The following HAUS7 variants were observed in gnomAD, a reference collection of about 807,000 sequenced individuals.
HAUS7 encodes the protein HAUS augmin-like complex subunit 7.
HAUS7 carries 3 observed loss-of-function variants against 28.4 expected under a neutral mutation model. The ratio of observed to expected loss-of-function variants is 0.11; its 90% CI spans 0.05 to 0.27. HAUS7 has a LOEUF of 0.27. HAUS7 is among the 10% of genes least tolerant of loss of function. The pLI, the probability that HAUS7 is intolerant of heterozygous loss-of-function variation, is 1.00. For missense variants in HAUS7, 284 were observed against 297.3 expected (o/e 0.96, Z 0.33); for synonymous variants, 165 against 132.1 (o/e 1.25, Z -1.71).
At chrX:153,452,207 T>G (rs1196600037) in intron 9 of HAUS7, among the ~76,000 whole-genome samples, 2 of 112,026 alleles carry the variant, frequency 1.8e-5, no homozygotes, top group Non-Finnish European at 3.8e-5. Flanking sequence ...ATGAAGACAT[T>G]CCCACATAAA....
chrX:153,464,182 G>A (rs1478970597), intron 3 of HAUS7, among the ~76,000 whole-genome samples: 2 of 112,766 alleles, frequency 1.8e-5, no homozygotes, highest in Non-Finnish European at 3.7e-5. Flanking sequence ...CTTGACAGGA[G>A]AGGAAACAGG....
chrX:153,465,117 T>C (rs1287388555), intron 2 of HAUS7, 62 bp from the exon 3 acceptor site: 1 of 764,886 alleles, frequency 1.3e-6, no homozygotes, highest in East Asian at 3.2e-5. Context: ...CTGGGCCCTC[T>C]ATACGCGCTG....
At chrX:153,470,710 G>T, upstream of HAUS7, 1 of 851,404 alleles carries the variant, frequency 1.2e-6, no homozygotes, top group Non-Finnish European at 1.6e-6. Flanking sequence ...GCCTGCGCGG[G>T]CCCCGGGCTC....
rs4898381 is a variant in HAUS7 at position 153,486,579 on chromosome X, C to A, written c.-589+8795G>T. On this transcript the variant is annotated intron_variant, in intron 1 of 5. Coordinates refer to the HAUS7 transcript ENST00000370210. ...GTCTCTTCTTGAATGATGCCTACCC[C>A]GTCTTTCCGGGGTCTTCTCTCCCCT... 2.1e-3 allele frequency: 1,933 copies of A among 926,854 alleles called. 49 individuals carry two copies. The Admixed American group carries it at 0.044, about 21-fold the overall frequency. 76.4% of individuals were successfully genotyped at this position (926,854 alleles called of 1,213,427 possible). A position where few individuals can be genotyped will look rare whatever the true frequency, so the allele number is the denominator to read the frequency against.
chrX:153,486,719 G>A (rs988373065), intron 1 of HAUS7: 10 of 982,773 alleles, frequency 1.0e-5, no homozygotes, highest in Admixed American at 3.0e-5. Context: ...CTCATTGACC[G>A]GCGCCGCATC....
chrX:153,476,784 G>A (rs1195265860), intron 1 of HAUS7, among the ~76,000 whole-genome samples: 1 of 110,630 alleles, frequency 9.0e-6, no homozygotes, highest in African/African-American at 3.3e-5. Context: ...CTGGTTCCTG[G>A]AAAATCCCAA....
chrX:153,462,186 G>T, intron 4 of HAUS7: 1 of 1,022,824 alleles, frequency 9.8e-7, no homozygotes, highest in Non-Finnish European at 1.3e-6. Flanking sequence ...GAAACGAGAA[G>T]GTGGGTGCTG....
chrX:153,494,741 GGGGGGGGAGGTGGTGGGGGCGA>G (rs1357107154), intron 1 of HAUS7, among the ~76,000 whole-genome samples: 1 of 66,111 alleles, frequency 1.5e-5, no homozygotes, highest in Non-Finnish European at 4.2e-5. Context: ...GGCGGGGGAG[GGGGGGGGAGGTGGTGGGGGCGA>G]GGGGGCGGGG....
chrX:153,477,635 G>A (rs1602951179), intron 1 of HAUS7, among the ~76,000 whole-genome samples: 1 of 112,310 alleles, frequency 8.9e-6, no homozygotes, highest in Admixed American at 9.3e-5. Context: ...TCCCAGCTTC[G>A]GCAGCTGCCC....
chrX:153,458,233 A>C (rs1222994403), intron 4 of HAUS7, among the ~76,000 whole-genome samples: 1 of 113,171 alleles, frequency 8.8e-6, no homozygotes, highest in Non-Finnish European at 1.9e-5. Flanking sequence ...CAGGTGCGAG[A>C]AGCTCAGGGC....
chrX:153,481,983 G>A (rs2089603247), intron 1 of HAUS7: 1 of 607,205 alleles, frequency 1.6e-6, no homozygotes, highest in Non-Finnish European at 2.0e-6. Flanking sequence ...GGGGCTGGCA[G>A]GTCCCAGGTG....
At chrX:153,480,262 C>T (rs1413771745) in intron 1 of HAUS7, among the ~76,000 whole-genome samples, 2 of 110,723 alleles carry the variant, frequency 1.8e-5, no homozygotes, top group African/African-American at 3.3e-5. Context: ...GGCCCAACCA[C>T]CGGTCCAACC....
chrX:153,474,899 C>T (rs1202434812), upstream of HAUS7, among the ~76,000 whole-genome samples: 2 of 111,658 alleles, frequency 1.8e-5, no homozygotes, highest in Non-Finnish European at 3.8e-5. Flanking sequence ...GGGAGACGCT[C>T]GGGTCTAGAC....
At chrX:153,481,428 C>A in intron 1 of HAUS7, 1 of 754,875 alleles carries the variant, frequency 1.3e-6, no homozygotes, top group African/African-American at 2.3e-5. Context: ...GCCAGGGTGG[C>A]GGCGGCAGCA....
At chrX:153,472,179 G>A (rs992274871), upstream of HAUS7, among the ~76,000 whole-genome samples, 13 of 111,135 alleles carry the variant, frequency 1.2e-4, no homozygotes, top group African/African-American at 1.6e-4. Flanking sequence ...GTGTACTCTG[G>A]AAGAAAATCT....
intron 2 of HAUS7, among the ~76,000 whole-genome samples, chrX:153,468,438 C>A (rs1401416661): frequency 2.7e-5 from 3 of 112,755 alleles, no homozygotes; most frequent in Non-Finnish European, 5.6e-5. Context: ...GGAAAGCCTT[C>A]TCCACTCACA....
At chrX:153,475,971 C>G (rs112941510) in intron 1 of HAUS7, among the ~76,000 whole-genome samples, 13 of 112,428 alleles carry the variant, frequency 1.2e-4, no homozygotes, top group African/African-American at 3.9e-4. Context: ...AGCTGCCACA[C>G]GGTGGCTCCC....
At chrX:153,494,941 T>C (rs1254938504) in intron 1 of HAUS7, 4 of 85,906 alleles carry the variant, frequency 4.7e-5, no homozygotes, top group Non-Finnish European at 6.7e-5. Context: ...TCGGCCCGCC[T>C]GCCCAGCCTT....
chrX:153,484,574 G>A (rs782325589), intron 1 of HAUS7, among the ~76,000 whole-genome samples: 14 of 110,689 alleles, frequency 1.3e-4, no homozygotes, highest in Non-Finnish European at 2.1e-4. Flanking sequence ...GGGTGGGGCC[G>A]CAGTGGGGAG....
Sources: gnomAD v4.1 joint callset for allele counts (sites outside exome capture counted in the v4.1 genomes callset) on GRCh38, gnomAD v4.1.1 for gene constraint, MANE v1.5 for transcripts, NCBI Gene and HGNC (gene_info 2026-07-23, HGNC 2026-07-21) for gene names.